The following ATP11C variants were observed in gnomAD, a reference collection of about 807,000 sequenced individuals.
The protein encoded by ATP11C is phospholipid-transporting ATPase IG.
In ATP11C, 36 loss-of-function variants were observed where a neutral mutation model predicts 97.4. The ratio of observed to expected loss-of-function variants is 0.37; its 90% CI spans 0.28 to 0.49. The LOEUF (loss-of-function observed/expected upper bound fraction) is 0.49, where lower values mean the gene tolerates loss of function less well. Ranked by LOEUF, ATP11C falls within the 20% of genes least tolerant of loss-of-function variation. The pLI is 0.98. For missense variants in ATP11C, 730 were observed against 824.6 expected (o/e 0.89, Z 1.40); for synonymous variants, 275 against 290.9 (o/e 0.95, Z 0.56).
At chrX:139,838,363 G>A (rs763623110) in intron 1 of ATP11C, among the ~76,000 whole-genome samples, 2 of 110,949 alleles carry the variant, frequency 1.8e-5, no homozygotes, top group East Asian at 5.6e-4. Context: ...TGCAAATAAG[G>A]GGAAGTTCAT....
rs143598992 is a variant in ATP11C, at chrX:139,800,110, T to C, written c.660A>G (p.Lys220=). ...ECEQPQPDLY[K]FVGRINIYSN... Reference sequence around the variant, plus strand: ...TGTAGATATTGATTCGCCCAACAAATCTGTAAAAAGAACAAAATTGCAAAT... The same window carrying C: ...TGTAGATATTGATTCGCCCAACAAACCTGTAAAAAGAACAAAATTGCAAAT... The change falls in exon 8 of 30, where the codon AAA becomes AAG. Residue 220 remains lysine, a splice_region_variant and synonymous_variant. Transcript: ENST00000682941. The C allele has an allele frequency of 1.7e-5, 20 of 1,146,232 alleles. No homozygotes were observed. The highest frequency in any genetic ancestry group is 2.3e-5 in the Non-Finnish European group (20 of 855,972). The allele number at this position is 1,146,232 out of a possible 1,213,427, so 94.5% of individuals were successfully genotyped here.
chrX:139,774,571 G>T, intron 19 of ATP11C, 119 bp downstream of exon 19: 1 of 647,813 alleles, frequency 1.5e-6, no homozygotes, highest in Non-Finnish European at 2.3e-6. Context: ...TAACTTATAA[G>T]GATAAAACAC....
chrX:139,837,011 T>TACACACACACACAC lies in ATP11C; in HGVS notation c.28-10202_28-10189dup, dbSNP rs113064751. ...TGTAAAATGAAAACACACACACACA[T>TACACACACACACAC]ACACACACACACACACAGGGACAGG... On this transcript the variant is annotated intron_variant, in intron 1 of 29. Transcript: ENST00000682941. Among the ~76,000 whole-genome samples the TACACACACACACAC allele has an allele frequency of 4.7e-5, 5 of 107,394 alleles. No individual in the cohort carries two copies. The East Asian group carries it at 8.6e-4, about 19-fold the overall frequency. The allele number at this position is 107,394 out of a possible 115,157, so 93.3% of individuals were successfully genotyped here.
intron 1 of ATP11C, among the ~76,000 whole-genome samples, chrX:139,900,897 G>A (rs993517917): frequency 1.8e-5 from 2 of 111,937 alleles, no homozygotes; most frequent in African/African-American, 3.2e-5. Context: ...CCTTTGAGAG[G>A]TGATTAGATC....
chrX:139,779,889 C>A (rs1285195458), intron 18 of ATP11C, among the ~76,000 whole-genome samples: 1 of 111,644 alleles, frequency 9.0e-6, no homozygotes, highest in Non-Finnish European at 1.9e-5. Flanking sequence ...ACAACTGATA[C>A]CACAGAAATA....
At chrX:139,936,247 C>T (rs755519369), upstream of ATP11C, among the ~76,000 whole-genome samples, 26 of 111,846 alleles carry the variant, frequency 2.3e-4, no homozygotes, top group African/African-American at 7.8e-4. Context: ...TACTCTCACA[C>T]ACATCCTTCA....
intron 28 of ATP11C, among the ~76,000 whole-genome samples, chrX:139,733,401 T>C (rs1396309906): frequency 8.9e-6 from 1 of 112,362 alleles, no homozygotes; most frequent in Admixed American, 9.4e-5. Flanking sequence ...ACCCATATTG[T>C]CTACTTAGTG....
At chrX:139,891,197 C>CAAAAAAAAAAAAAAAAAAAAAAA (rs35280856) in intron 1 of ATP11C, among the ~76,000 whole-genome samples, 1 of 35,497 alleles carries the variant, frequency 2.8e-5, no homozygotes, top group African/African-American at 1.1e-4. Context: ...AGAGATTGGC[C>CAAAAAAAAAAAAAAAAAAAAAAA]AAAAAAAAAA....
At chrX:139,877,509 C>A (rs528517458) in intron 1 of ATP11C, among the ~76,000 whole-genome samples, 4 of 111,067 alleles carry the variant, frequency 3.6e-5, no homozygotes, top group African/African-American at 1.3e-4. Flanking sequence ...CACCCATTCA[C>A]CACAAGATAT....
In ATP11C at chrX:139,889,504, T is replaced by G; in HGVS notation, c.27+42512A>C. On this transcript the variant is annotated intron_variant, in intron 1 of 29. Coordinates refer to ENST00000682941, the MANE Select transcript of ATP11C (RefSeq NM_001353812.2). ...TTTTGATTTCAGTGGTGATTACAAT[T>G]TATATAATTTTGTCAAAATTCATCG... Among the ~76,000 whole-genome samples, 2 of 111,821 alleles carry G rather than the reference T, an allele frequency of 1.8e-5. 1 individual carries two copies. The highest frequency in any genetic ancestry group is 7.6e-4 in the South Asian group (2 of 2,646).
At chrX:139,871,333 G>T (rs969478859) in intron 1 of ATP11C, among the ~76,000 whole-genome samples, 11 of 105,481 alleles carry the variant, frequency 1.0e-4, no homozygotes, top group Non-Finnish European at 3.9e-5. Context: ...CTCAGCTCCC[G>T]AGTAGCTGGC....
intron 24 of ATP11C, 116 bp downstream of exon 24, chrX:139,749,909 A>G: frequency 1.3e-6 from 1 of 757,240 alleles, no homozygotes. Context: ...TCCAAACAGA[A>G]CCATATAATC....
intron 16 of ATP11C, among the ~76,000 whole-genome samples, chrX:139,783,684 G>C (rs2082511725): frequency 9.0e-6 from 1 of 110,768 alleles, no homozygotes; most frequent in Non-Finnish European, 1.9e-5. Context: ...ACCAGCCTGG[G>C]CAACACAGGG....
At chrX:139,804,709 G>T in intron 5 of ATP11C, 110 bp from the exon 6 acceptor site, 2 of 570,579 alleles carry the variant, frequency 3.5e-6, no homozygotes, top group Non-Finnish European at 5.4e-6. Flanking sequence ...CTGGGGCTTT[G>T]AGAGTATCTC....
intron 26 of ATP11C, among the ~76,000 whole-genome samples, chrX:139,742,870 AAAAAAAAT>A (rs1282363453): frequency 1.3e-3 from 32 of 23,937 alleles, no homozygotes; most frequent in African/African-American, 4.4e-3. Context: ...AAATTAAAAA[AAAAAAAAT>A]ATATATATAT....
chrX:139,761,226 G>A (rs757707780), intron 22 of ATP11C, among the ~76,000 whole-genome samples: 36 of 111,263 alleles, frequency 3.2e-4, no homozygotes, highest in Non-Finnish European at 6.4e-4. Context: ...AGCCGAGATC[G>A]CGCCACTGCA....
chrX:139,832,507 A>G (rs992327514), intron 1 of ATP11C, among the ~76,000 whole-genome samples: 2 of 112,751 alleles, frequency 1.8e-5, no homozygotes, highest in South Asian at 3.7e-4. Flanking sequence ...TTAAGGTGTT[A>G]TTATTTTAAA....
intron 1 of ATP11C, among the ~76,000 whole-genome samples, chrX:139,923,429 G>A (rs1162388149): frequency 1.8e-5 from 2 of 111,676 alleles, no homozygotes. Flanking sequence ...ATGGTCCTGT[G>A]TGCTGGTCTT....
chrX:139,933,458 G>C (rs1422982733), upstream of ATP11C, among the ~76,000 whole-genome samples: 5 of 112,342 alleles, frequency 4.5e-5, no homozygotes, highest in African/African-American at 1.6e-4. Context: ...TGGAATTTGC[G>C]AAACTTTAAA....
Sources: gnomAD v4.1 joint callset for allele counts (sites outside exome capture counted in the v4.1 genomes callset) on GRCh38, gnomAD v4.1.1 for gene constraint, MANE v1.5 for transcripts, NCBI Gene and HGNC (gene_info 2026-07-23, HGNC 2026-07-21) for gene names.